The following ZDHHC15 variants were observed in gnomAD, a reference collection of about 807,000 sequenced individuals.
ZDHHC15 encodes the protein palmitoyltransferase ZDHHC15.
In ZDHHC15, 19 loss-of-function variants were observed where a neutral mutation model predicts 31.7. That is an observed-to-expected ratio of 0.60 (90% CI 0.42 to 0.88). The LOEUF (loss-of-function observed/expected upper bound fraction) is 0.88. Ranked by LOEUF, ZDHHC15 falls within the 40% of genes least tolerant of loss-of-function variation. ZDHHC15 has a pLI of 0.00. For synonymous variants in ZDHHC15, 103 were observed against 90.0 expected, an observed-to-expected ratio of 1.14 and a Z score of -0.82; for missense variants, 209 against 251.2, an observed-to-expected ratio of 0.83 and a Z score of 1.14.
intron 2 of ZDHHC15, among the ~76,000 whole-genome samples, chrX:75,481,033 C>A (rs562604705): frequency 1.8e-5 from 2 of 111,216 alleles, no homozygotes; most frequent in South Asian, 7.7e-4. Context: ...CTGGCTACCC[C>A]CTGGGAGTGT....
intron 10 of ZDHHC15, among the ~76,000 whole-genome samples, chrX:75,414,321 C>CTATT (rs2083520099): frequency 9.0e-6 from 1 of 110,500 alleles, no homozygotes; most frequent in Non-Finnish European, 1.9e-5. Flanking sequence ...TTATAATTTG[C>CTATT]TGTGCTAATA....
intron 1 of ZDHHC15, among the ~76,000 whole-genome samples, chrX:75,513,119 A>G (rs1255815418): frequency 9.1e-6 from 1 of 109,417 alleles, no homozygotes; most frequent in Non-Finnish European, 1.9e-5. Flanking sequence ...CCTTCCTTAC[A>G]CCTTATACAA....
intron 10 of ZDHHC15, among the ~76,000 whole-genome samples, chrX:75,399,767 A>T (rs923838294): frequency 6.3e-5 from 7 of 111,234 alleles, no homozygotes; most frequent in African/African-American, 2.3e-4. Flanking sequence ...TGTGAGAAAA[A>T]ATAGGGGAGC....
At chrX:75,398,898 C>T (rs1329846939) in intron 10 of ZDHHC15, among the ~76,000 whole-genome samples, 1 of 110,450 alleles carries the variant, frequency 9.1e-6, no homozygotes, top group African/African-American at 3.3e-5. Context: ...GTTCCCAATC[C>T]TGTTCATCTT....
At chrX:75,414,489 G>A (rs2083523591) in intron 10 of ZDHHC15, among the ~76,000 whole-genome samples, 1 of 95,808 alleles carries the variant, frequency 1.0e-5, no homozygotes, top group Admixed American at 1.2e-4. Flanking sequence ...GAGTGCAGCG[G>A]CGCGATCTCG....
chrX:75,457,085 CTG>C, intron 3 of ZDHHC15, among the ~76,000 whole-genome samples: 1 of 111,869 alleles, frequency 8.9e-6, no homozygotes, highest in Admixed American at 9.5e-5. Flanking sequence ...CATTAAAAAA[CTG>C]ATATTTAGAA....
intron 2 of ZDHHC15, among the ~76,000 whole-genome samples, chrX:75,480,105 C>G (rs2084666021): frequency 9.0e-6 from 1 of 110,716 alleles, no homozygotes; most frequent in Non-Finnish European, 1.9e-5. Flanking sequence ...TGACTCAAGA[C>G]CAACTTAATA....
intron 1 of ZDHHC15, among the ~76,000 whole-genome samples, chrX:75,521,241 G>A (rs1486683408): frequency 1.8e-5 from 2 of 110,787 alleles, no homozygotes; most frequent in Non-Finnish European, 3.8e-5. Context: ...GTTTAAGGGT[G>A]CTGGCGATGG....
intron 4 of ZDHHC15, among the ~76,000 whole-genome samples, chrX:75,441,055 A>C (rs1382833758): frequency 4.5e-5 from 5 of 111,798 alleles, no homozygotes; most frequent in Non-Finnish European, 9.4e-5. Context: ...TATATCCAGG[A>C]AGCCGGTTTG....
At chrX:75,487,372 C>T (rs1265418811) in intron 2 of ZDHHC15, among the ~76,000 whole-genome samples, 1 of 111,953 alleles carries the variant, frequency 8.9e-6, no homozygotes, top group East Asian at 2.8e-4. Context: ...GCAGACATTC[C>T]CCAGAAATAG....
At chrX:75,430,085 A>G (rs1467362398) in intron 5 of ZDHHC15, 105 bp from the exon 6 acceptor site, 4 of 866,737 alleles carry the variant, frequency 4.6e-6, no homozygotes, top group Non-Finnish European at 6.6e-6. Flanking sequence ...TGGTTCTAAT[A>G]ACACCCATTC....
At position 75,424,643 on chromosome X, in the gene ZDHHC15, C is replaced by T; in HGVS notation, c.736+9G>A. On this transcript the variant is annotated intron_variant, in intron 8 of 11. Transcript: ENST00000373367. Reference sequence around the variant, plus strand: ...TATGTTTTTTCCTAATCTTAATATTCAGTCTTACCTAAGGTGGTTTTGTTT... The same window carrying T: ...TATGTTTTTTCCTAATCTTAATATTTAGTCTTACCTAAGGTGGTTTTGTTT... 1 of 1,187,614 alleles carries T rather than the reference C, an allele frequency of 8.4e-7. No homozygotes were observed. Among genetic ancestry groups the T allele is most frequent in the Non-Finnish European group, 1.1e-6 (1 of 886,901 alleles).
chrX:75,416,261 G>A (rs753408223), intron 10 of ZDHHC15, among the ~76,000 whole-genome samples: 46 of 111,605 alleles, frequency 4.1e-4, no homozygotes, highest in South Asian at 1.1e-3. Context: ...GTTCTCTACC[G>A]CTGCTCCCAC....
At chrX:75,462,586 A>G (rs1249557980) in intron 3 of ZDHHC15, among the ~76,000 whole-genome samples, 1 of 112,263 alleles carries the variant, frequency 8.9e-6, no homozygotes, top group African/African-American at 3.2e-5. Context: ...AGACCAAAGC[A>G]TAATAAATTA....
intron 11 of ZDHHC15, 53 bp downstream of exon 11, chrX:75,379,067 C>T (rs375221303): frequency 2.3e-5 from 23 of 1,003,626 alleles, no homozygotes; most frequent in African/African-American, 5.7e-5. Context: ...TCTCCCAAGC[C>T]GCCTTCTTAG....
At chrX:75,487,514 C>A (rs1254061006) in intron 2 of ZDHHC15, among the ~76,000 whole-genome samples, 1 of 111,943 alleles carries the variant, frequency 8.9e-6, no homozygotes, top group African/African-American at 3.2e-5. Context: ...CCCCATGGGA[C>A]CAAAGAATCT....
At chrX:75,382,187 TTTAC>T (rs1276173340) in intron 10 of ZDHHC15, among the ~76,000 whole-genome samples, 5 of 112,372 alleles carry the variant, frequency 4.4e-5, no homozygotes, top group African/African-American at 6.5e-5. Context: ...CCACCATTTA[TTTAC>T]CTCTATGTCC....
intron 10 of ZDHHC15, among the ~76,000 whole-genome samples, chrX:75,383,074 A>G (rs1230579411): frequency 8.9e-6 from 1 of 111,765 alleles, no homozygotes; most frequent in Non-Finnish European, 1.9e-5. Context: ...AAAGGTAAAC[A>G]GGAACAAAGG....
At chrX:75,516,565 C>T (rs956047729) in intron 1 of ZDHHC15, among the ~76,000 whole-genome samples, 2 of 112,203 alleles carry the variant, frequency 1.8e-5, no homozygotes, top group East Asian at 2.8e-4. Flanking sequence ...CCCTTCCTTA[C>T]ACCTTATACA....
Sources: gnomAD v4.1 joint callset for allele counts (sites outside exome capture counted in the v4.1 genomes callset) on GRCh38, gnomAD v4.1.1 for gene constraint, MANE v1.5 for transcripts, NCBI Gene and HGNC (gene_info 2026-07-23, HGNC 2026-07-21) for gene names.